The following UBE4B variants were observed in gnomAD, a reference collection of about 807,000 sequenced individuals.
UBE4B encodes the protein ubiquitin conjugation factor E4 B.
In UBE4B, 27 loss-of-function variants were observed where a neutral mutation model predicts 148.1. The ratio of observed to expected loss-of-function variants is 0.18; its 90% CI spans 0.13 to 0.25. The LOEUF is 0.25. Ranked by LOEUF, UBE4B falls within the 10% of genes least tolerant of loss-of-function variation. The pLI is 1.00. For synonymous variants in UBE4B, 596 were observed against 619.3 expected (o/e 0.96, Z 0.56); for missense variants, 1,170 against 1,662.4 (o/e 0.70, Z 5.15).
intron 25 of UBE4B, among the ~76,000 whole-genome samples, chr1:10,175,604 T>C (rs914696713): frequency 1.4e-4 from 22 of 151,968 alleles, no homozygotes; most frequent in Non-Finnish European, 2.2e-4. Context: ...TGAGCCGAGA[T>C]CGCGCCACTG....
intron 12 of UBE4B, 144 bp from the exon 13 acceptor site, chr1:10,130,356 C>T: frequency 2.8e-6 from 2 of 717,184 alleles, no homozygotes; most frequent in Non-Finnish European, 4.7e-6. Flanking sequence ...GCTGGGATTA[C>T]AGGCGTGAGC....
chr1:10,058,094 C>G (rs746313925), intron 1 of UBE4B, among the ~76,000 whole-genome samples: 2 of 152,214 alleles, frequency 1.3e-5, no homozygotes, highest in African/African-American at 2.4e-5. Context: ...ATGGATGATC[C>G]CCTTCTAGAG....
intron 17 of UBE4B, 66 bp downstream of exon 17, chr1:10,137,271 TC>T: frequency 6.3e-7 from 1 of 1,597,864 alleles, no homozygotes; most frequent in Non-Finnish European, 8.6e-7. Context: ...GGCAGGCAAT[TC>T]CATTGTGAAC....
chr1:10,094,135 C>G (rs984405879), intron 2 of UBE4B, among the ~76,000 whole-genome samples: 63 of 152,108 alleles, frequency 4.1e-4, no homozygotes, highest in African/African-American at 1.4e-3. Flanking sequence ...TTTAAAATTT[C>G]AATGTAAAAC....
chr1:10,137,233 AT>A, intron 17 of UBE4B, 28 bp downstream of exon 17: 1 of 1,612,504 alleles, frequency 6.2e-7, no homozygotes, highest in Non-Finnish European at 8.5e-7. Context: ...GTGTCCTGGG[AT>A]TGCCTGAGTT....
chr1:10,042,507 C>T (rs1042003276), intron 1 of UBE4B, among the ~76,000 whole-genome samples: 1 of 152,052 alleles, frequency 6.6e-6, no homozygotes, highest in Admixed American at 6.6e-5. Context: ...ATTAGCCGGG[C>T]GTGGTGGTGC....
chr1:10,090,693 A>G (rs1414699263), intron 2 of UBE4B, among the ~76,000 whole-genome samples: 1 of 152,104 alleles, frequency 6.6e-6, no homozygotes, highest in Non-Finnish European at 1.5e-5. Flanking sequence ...CTGTTGGAAG[A>G]ACAGGTATGA....
chr1:10,133,905 G>A (rs1192066661), intron 15 of UBE4B, among the ~76,000 whole-genome samples: 1 of 151,634 alleles, frequency 6.6e-6, no homozygotes, highest in Non-Finnish European at 1.5e-5. Flanking sequence ...TAAAAAATTA[G>A]CCAGTATAGT....
intron 25 of UBE4B, among the ~76,000 whole-genome samples, chr1:10,174,257 A>T (rs1646381927): frequency 1.3e-5 from 2 of 151,694 alleles, no homozygotes; most frequent in African/African-American, 4.8e-5. Context: ...AGCCGGGCAC[A>T]GTGGAAGGCG....
At chr1:10,041,272 T>G (rs1243028977) in intron 1 of UBE4B, among the ~76,000 whole-genome samples, 2 of 151,772 alleles carry the variant, frequency 1.3e-5, no homozygotes, top group African/African-American at 4.8e-5. Context: ...TCCAGAGTTT[T>G]CTATCGCTTT....
intron 1 of UBE4B, among the ~76,000 whole-genome samples, chr1:10,053,070 C>T (rs1012970061): frequency 1.3e-5 from 2 of 152,120 alleles, no homozygotes; most frequent in African/African-American, 4.8e-5. Context: ...CTCCTAATTT[C>T]ATCAGCGACC....
chr1:10,063,744 C>G (rs928487679), intron 1 of UBE4B, among the ~76,000 whole-genome samples: 7 of 151,440 alleles, frequency 4.6e-5, no homozygotes, highest in Non-Finnish European at 7.4e-5. Context: ...CCCGTCTCTA[C>G]TAAAAATACA....
chr1:10,090,869 A>G (rs1219400983), intron 2 of UBE4B, among the ~76,000 whole-genome samples: 3 of 151,716 alleles, frequency 2.0e-5, no homozygotes, highest in Non-Finnish European at 4.4e-5. Flanking sequence ...AGTTAAAGGT[A>G]GATATTTGGT....
intron 20 of UBE4B, among the ~76,000 whole-genome samples, chr1:10,150,239 G>A (rs1319884394): frequency 6.6e-6 from 1 of 152,108 alleles, no homozygotes; most frequent in Non-Finnish European, 1.5e-5. Flanking sequence ...AATCATTGGT[G>A]ACACGTGATT....
Position 10,107,460 on chromosome 1 carries a change from G to C in UBE4B, c.1196+877G>C, listed in dbSNP as rs959426494. 2.0e-5 allele frequency: 24 copies of C among 1,216,320 alleles called. No individual in the cohort carries two copies. The African/African-American group carries it at 3.8e-4, about 19-fold the overall frequency. The allele number at this position is 1,216,320 out of a possible 1,614,324, so 75.3% of individuals were successfully genotyped here. On this transcript the variant is annotated intron_variant, in intron 7 of 27. Coordinates refer to ENST00000343090, the MANE Select transcript of UBE4B (RefSeq NM_001105562.3). ...TAAGCTCTAACAAGGGGCGTGCTTT[G>C]AATCCAGGCAGGATAGGGTCAAATG...
In UBE4B at chr1:10,101,207, A is replaced by G. The variant is rs189262553; in HGVS notation, c.435+12A>G. Reference sequence around the variant, plus strand: ...GCCTCAGTGATAAGGTTGGTAAGCGATGAAGCCCTTGGTACAGGTAATAGA... The same window carrying G: ...GCCTCAGTGATAAGGTTGGTAAGCGGTGAAGCCCTTGGTACAGGTAATAGA... On this transcript the variant is annotated intron_variant, in intron 4 of 27. Transcript: ENST00000343090. 7,196 of 1,613,138 alleles carry G rather than the reference A, an allele frequency of 4.5e-3. 20 individuals are homozygous for G. The highest frequency in any genetic ancestry group is 5.2e-3 in the Non-Finnish European group (6,140 of 1,179,090).
rs35021874 is a variant in UBE4B, at chr1:10,101,976, GGTGTGTGTGT to G, written c.435+798_435+807del. On this transcript the variant is annotated intron_variant, in intron 4 of 27. Coordinates refer to ENST00000343090, the MANE Select transcript of UBE4B (RefSeq NM_001105562.3). ...CCTGAGCTTAGTGCTCTGCATTTAG[GGTGTGTGTGT>G]GTGTGTGTGTGTGTGTATTAATATA... Among the ~76,000 whole-genome samples, 515 of 147,558 alleles carry G rather than the reference GGTGTGTGTGT, an allele frequency of 3.5e-3. 2 individuals are homozygous for G. Among genetic ancestry groups the G allele is most frequent in the Non-Finnish European group, 4.8e-3 (321 of 66,314 alleles).
At chr1:10,130,250 T>G (rs1242891142) in intron 12 of UBE4B, among the ~76,000 whole-genome samples, 1 of 152,056 alleles carries the variant, frequency 6.6e-6, no homozygotes, top group Non-Finnish European at 1.5e-5. Context: ...AATTTTTGTA[T>G]TTTTAGTAGA....
intron 12 of UBE4B, among the ~76,000 whole-genome samples, chr1:10,130,264 G>A (rs1570945536): frequency 6.6e-6 from 1 of 151,802 alleles, no homozygotes; most frequent in Non-Finnish European, 1.5e-5. Flanking sequence ...TAGTAGAGAC[G>A]GGGTTTCTCC....
Sources: gnomAD v4.1 joint callset for allele counts (sites outside exome capture counted in the v4.1 genomes callset) on GRCh38, gnomAD v4.1.1 for gene constraint, MANE v1.5 for transcripts, NCBI Gene and HGNC (gene_info 2026-07-23, HGNC 2026-07-21) for gene names.